Variants in WNK3 observed in about 807,000 individuals in gnomAD.
WNK3 encodes the protein WNK lysine deficient protein kinase 3, also known as serine/threonine-protein kinase WNK3.
In WNK3, 18 loss-of-function variants were observed where a neutral mutation model predicts 116.7. That is an observed-to-expected ratio of 0.15 (90% CI 0.11 to 0.23). WNK3 has a LOEUF of 0.23. Among genes scored for constraint, WNK3 ranks in the 10% least tolerant of loss-of-function variants. The probability of loss-of-function intolerance (pLI) is 1.00; values close to 1 mark genes in which losing one functional copy is unlikely to be tolerated. For missense variants in WNK3, 993 were observed against 1,323.8 expected (o/e 0.75, Z 3.88); for synonymous variants, 404 against 469.4 (o/e 0.86, Z 1.80).
intron 10 of WNK3, among the ~76,000 whole-genome samples, chrX:54,277,808 A>G (rs1557161418): frequency 1.8e-5 from 2 of 111,640 alleles, no homozygotes; most frequent in Non-Finnish European, 1.9e-5. Flanking sequence ...AAACTACAAT[A>G]TTAGCCAGGC....
At chrX:54,240,067 G>T (rs1348066931) in intron 17 of WNK3, among the ~76,000 whole-genome samples, 1 of 111,723 alleles carries the variant, frequency 9.0e-6, no homozygotes, top group Non-Finnish European at 1.9e-5. Context: ...CATTTTGGGA[G>T]GCTGAGGTGG....
At chrX:54,282,967 T>C (rs781874312) in intron 10 of WNK3, among the ~76,000 whole-genome samples, 2 of 111,744 alleles carry the variant, frequency 1.8e-5, no homozygotes, top group African/African-American at 6.5e-5. Context: ...CATTGAGAAA[T>C]TGGACTTTAT....
chrX:54,282,799 C>G (rs1447448697), intron 10 of WNK3, among the ~76,000 whole-genome samples: 1 of 111,706 alleles, frequency 9.0e-6, no homozygotes, highest in Admixed American at 9.6e-5. Context: ...CTACCTCAAA[C>G]TATATACAAC....
At position 54,296,696 on chromosome X, in the gene WNK3, C is replaced by G. The variant is rs112503485; in HGVS notation, c.1398+1479G>C. Among the ~76,000 whole-genome samples the G allele has an allele frequency of 6.4e-3, 709 of 111,465 alleles. 4 individuals are homozygous for G. Among genetic ancestry groups the G allele is most frequent in the African/African-American group, 0.022 (688 of 30,703 alleles). ...CAGGTTCCCACTGTCATTGCCCCATCCTTCTTTTTAACCTGAGGCCAGAAT... is the reference window on the plus strand; with the variant it reads ...CAGGTTCCCACTGTCATTGCCCCATGCTTCTTTTTAACCTGAGGCCAGAAT... On this transcript the variant is annotated intron_variant, in intron 7 of 23. Coordinates refer to ENST00000354646, the Ensembl canonical transcript of WNK3.
intron 10 of WNK3, among the ~76,000 whole-genome samples, chrX:54,283,032 AAC>A (rs1557162971): frequency 2.7e-5 from 3 of 112,595 alleles, no homozygotes. Context: ...GTGAAAAGAC[AAC>A]ACACAGAATG....
At chrX:54,330,997 A>C (rs1371982947) in intron 2 of WNK3, among the ~76,000 whole-genome samples, 3 of 108,459 alleles carry the variant, frequency 2.8e-5, no homozygotes, top group Non-Finnish European at 5.7e-5. Context: ...TGGGCAAAAG[A>C]GTGAGACTCT....
intron 2 of WNK3, among the ~76,000 whole-genome samples, chrX:54,321,330 C>G (rs1165912652): frequency 8.9e-6 from 1 of 112,007 alleles, no homozygotes; most frequent in African/African-American, 3.2e-5. Context: ...TCCAGTTAAA[C>G]TATCTGGCTT....
chrX:54,198,780 T>C, intron 23 of WNK3, 127 bp from the exon 24 acceptor site: 1 of 537,190 alleles, frequency 1.9e-6, no homozygotes, highest in Non-Finnish European at 2.8e-6. Context: ...CCTAGTCTTT[T>C]TGGCATACTA....
chrX:54,311,561 A>G (rs2068887574), intron 2 of WNK3, among the ~76,000 whole-genome samples: 1 of 112,023 alleles, frequency 8.9e-6, no homozygotes. Context: ...GAAAAACAGT[A>G]TCTCAAAATG....
At chrX:54,309,016 C>T (rs1557169206) in intron 4 of WNK3, 79 bp downstream of exon 4, 2 of 862,540 alleles carry the variant, frequency 2.3e-6, no homozygotes, top group Non-Finnish European at 3.3e-6. Flanking sequence ...CTGGCCATAG[C>T]TGGCTGATTC....
chrX:54,296,316 T>C (rs2068698123), intron 7 of WNK3, among the ~76,000 whole-genome samples: 1 of 110,931 alleles, frequency 9.0e-6, no homozygotes, highest in Non-Finnish European at 1.9e-5. Flanking sequence ...TTGTGTTTGC[T>C]ATAATATATA....
chrX:54,275,644 T>A (rs994261440), intron 10 of WNK3, among the ~76,000 whole-genome samples: 2 of 109,298 alleles, frequency 1.8e-5, no homozygotes, highest in Non-Finnish European at 3.8e-5. Context: ...AGGAGAAACA[T>A]AGAGAAGAAA....
At chrX:54,276,137 C>A (rs781951549) in intron 10 of WNK3, among the ~76,000 whole-genome samples, 22 of 110,400 alleles carry the variant, frequency 2.0e-4, no homozygotes, top group Non-Finnish European at 3.6e-4. Flanking sequence ...GTCAGGAGTT[C>A]GAGACCAGCC....
rs995111905 is a variant in WNK3 at position 54,301,106 on chromosome X, G to A, written c.1178+665C>T. 5.5e-5 allele frequency among the ~76,000 whole-genome samples: 6 copies of A among 108,812 alleles called. No individual in the cohort carries two copies. The Admixed American group carries it at 6.0e-4, about 11-fold the overall frequency. 94.5% of individuals were successfully genotyped at this position (108,812 alleles called of 115,157 possible). On this transcript the variant is annotated intron_variant, in intron 6 of 23. Transcript: ENST00000354646. ...AAAAATACAAAAATTAGCCAGGTGT[G>A]ATGGCATGCACCTGCAATCCCAGCT...
At chrX:54,346,279 C>CAA (rs150788845) in intron 1 of WNK3, among the ~76,000 whole-genome samples, 3,656 of 27,021 alleles carry the variant, frequency 0.14, 84 homozygotes, top group Non-Finnish European at 0.14. Context: ...GCTGATCAGC[C>CAA]AAAAAAAAAA....
intron 13 of WNK3, among the ~76,000 whole-genome samples, chrX:54,253,281 T>C (rs1209154950): frequency 5.4e-5 from 6 of 111,130 alleles, no homozygotes; most frequent in African/African-American, 2.0e-4. Context: ...GTAACTTTTT[T>C]TTGAGACAGG....
chrX:54,310,451 G>A (rs2068874815), intron 3 of WNK3, among the ~76,000 whole-genome samples: 1 of 110,111 alleles, frequency 9.1e-6, no homozygotes, highest in African/African-American at 3.3e-5. Flanking sequence ...GTAGGCTGAG[G>A]TGGGAGGGTC....
chrX:54,250,148 CA>C lies in WNK3; in HGVS notation c.2576-18del. ...CAGATTCATCTGCAGAAATAATTAGCAAAAAATAATATGCTAAGCTATTTTC... is the reference window on the plus strand; with the variant it reads ...CAGATTCATCTGCAGAAATAATTAGCAAAAATAATATGCTAAGCTATTTTC... On this transcript the variant is annotated intron_variant, in intron 15 of 23. Coordinates refer to ENST00000354646, the Ensembl canonical transcript of WNK3. The C allele has an allele frequency of 8.6e-7, 1 of 1,161,111 alleles. No individual in the cohort carries two copies. Among genetic ancestry groups the C allele is most frequent in the South Asian group, 2.0e-5 (1 of 49,428 alleles).
At chrX:54,293,191 A>T (rs782578635) in exon 9 of WNK3, 1 of 1,210,386 alleles carries the variant, frequency 8.3e-7, no homozygotes, top group South Asian at 1.8e-5. Flanking sequence ...TTTGCCCTGG[A>T]ACATTTACTT....
Sources: gnomAD v4.1 joint callset for allele counts (sites outside exome capture counted in the v4.1 genomes callset) on GRCh38, gnomAD v4.1.1 for gene constraint, MANE v1.5 for transcripts, NCBI Gene and HGNC (gene_info 2026-07-23, HGNC 2026-07-21) for gene names.